Variants in CLVS1 observed in about 807,000 individuals in gnomAD.
CLVS1 encodes the protein clavesin 1, also known as clavesin-1.
CLVS1 carries 10 observed loss-of-function variants against 33.1 expected under a neutral mutation model. The ratio of observed to expected loss-of-function variants is 0.30; its 90% CI spans 0.19 to 0.51. The LOEUF (loss-of-function observed/expected upper bound fraction) is 0.51, where lower values mean the gene tolerates loss of function less well. Ranked by LOEUF, CLVS1 falls within the 20% of genes least tolerant of loss-of-function variation. CLVS1 has a pLI of 0.97. For missense variants in CLVS1, 343 were observed against 433.4 expected, an observed-to-expected ratio of 0.79 and a Z score of 1.85; for synonymous variants, 163 against 166.1, an observed-to-expected ratio of 0.98 and a Z score of 0.14.
intron 2 of CLVS1, among the ~76,000 whole-genome samples, chr8:61,371,261 CAT>C (rs766246818): frequency 1.1e-4 from 16 of 152,198 alleles, no homozygotes; most frequent in Non-Finnish European, 1.6e-4. Context: ...AGCATTTTTT[CAT>C]ATGTTTGTTG....
intron 1 of CLVS1, among the ~76,000 whole-genome samples, chr8:61,294,091 A>G (rs1810098143): frequency 6.6e-6 from 1 of 152,056 alleles, no homozygotes; most frequent in Non-Finnish European, 1.5e-5. Flanking sequence ...GGGCAGTTTT[A>G]CAACACCCCT....
intron 3 of CLVS1, among the ~76,000 whole-genome samples, chr8:61,429,149 C>A (rs1032020722): frequency 2.6e-5 from 4 of 151,996 alleles, no homozygotes; most frequent in African/African-American, 9.7e-5. Flanking sequence ...CAGCTGGGTG[C>A]GGTGGCTCAT....
intron 2 of CLVS1, among the ~76,000 whole-genome samples, chr8:61,344,673 G>A (rs551973579): frequency 6.6e-6 from 1 of 152,242 alleles, no homozygotes; most frequent in East Asian, 1.9e-4. Flanking sequence ...CAGAGGACCC[G>A]CATATAATGG....
intron 2 of CLVS1, among the ~76,000 whole-genome samples, chr8:61,153,937 G>A (rs1038920027): frequency 1.3e-5 from 2 of 152,168 alleles, no homozygotes; most frequent in Non-Finnish European, 2.9e-5. Context: ...AAAATAACTT[G>A]TCCTTTCCAA....
intron 2 of CLVS1, among the ~76,000 whole-genome samples, chr8:61,203,595 G>A (rs3739353): frequency 0.67 from 101,576 of 151,904 alleles, 35,438 homozygotes; most frequent in Middle Eastern, 0.84. Context: ...GTTGCTTGTA[G>A]GATAAGTTAC....
chr8:61,458,423 G>T lies in CLVS1; in HGVS notation c.858G>T (p.Thr286=). Residue 286 remains threonine (T), a synonymous_variant, in exon 5 of 6, where the codon ACG becomes ACT. Transcript: ENST00000325897. ...ATGACATGGGAACTTGGGCCCGGAC[G>T]TTACTCGGTCCCGACTACAGCGATG... The part of the protein sequence containing the change: ...PPYDMGTWAR[T]LLGPDYSDEN... 6.2e-7 allele frequency: 1 copy of T among 1,613,956 alleles called. No individual in the cohort carries two copies.
At chr8:61,152,519 G>A (rs944571459) in intron 2 of CLVS1, among the ~76,000 whole-genome samples, 19 of 152,206 alleles carry the variant, frequency 1.2e-4, no homozygotes, top group African/African-American at 4.1e-4. Context: ...CCAAGATGGC[G>A]CCTTATCACC....
At chr8:61,270,741 G>C (rs917462195) in intron 2 of CLVS1, among the ~76,000 whole-genome samples, 1 of 152,130 alleles carries the variant, frequency 6.6e-6, no homozygotes, top group Non-Finnish European at 1.5e-5. Flanking sequence ...GTTTACTCTT[G>C]GGAGAGTGTA....
At chr8:61,451,891 A>G (rs989537296) in intron 3 of CLVS1, among the ~76,000 whole-genome samples, 5 of 152,098 alleles carry the variant, frequency 3.3e-5, no homozygotes, top group African/African-American at 1.2e-4. Flanking sequence ...GACCCAGAAC[A>G]TCTGCACATT....
chr8:61,237,588 G>A (rs1010054432), intron 2 of CLVS1, among the ~76,000 whole-genome samples: 5 of 152,146 alleles, frequency 3.3e-5, no homozygotes, highest in African/African-American at 9.7e-5. Flanking sequence ...AGCATATTGC[G>A]GTCTAGAGAG....
At chr8:61,401,471 C>G (rs934723981) in intron 3 of CLVS1, among the ~76,000 whole-genome samples, 1 of 151,962 alleles carries the variant, frequency 6.6e-6, no homozygotes, top group Non-Finnish European at 1.5e-5. Context: ...CAGTTAATCA[C>G]CACCACCTTA....
chr8:61,355,382 T>A (rs1812649925), intron 2 of CLVS1, among the ~76,000 whole-genome samples: 1 of 151,826 alleles, frequency 6.6e-6, no homozygotes, highest in Non-Finnish European at 1.5e-5. Flanking sequence ...GCACACAGCG[T>A]GGTGGTTTGT....
At chr8:60,996,884 A>T in the CLVS1 span, among the ~76,000 whole-genome samples, 2 of 152,146 alleles carry the variant, frequency 1.3e-5, no homozygotes, top group African/African-American at 4.8e-5. Flanking sequence ...TGACAATTAT[A>T]ATGTTCAAGA....
At chr8:61,462,756 T>G (rs1045508675) in intron 5 of CLVS1, among the ~76,000 whole-genome samples, 2 of 152,144 alleles carry the variant, frequency 1.3e-5, no homozygotes, top group East Asian at 3.8e-4. Context: ...TCATTCAAGC[T>G]TCATTGTTCT....
At chr8:61,005,276 T>G in the CLVS1 span, among the ~76,000 whole-genome samples, 1 of 152,198 alleles carries the variant, frequency 6.6e-6, no homozygotes. Flanking sequence ...TAGAACAGCC[T>G]GAAGCCATTA....
At chr8:61,311,285 C>A (rs1378982715) in intron 2 of CLVS1, among the ~76,000 whole-genome samples, 1 of 152,184 alleles carries the variant, frequency 6.6e-6, no homozygotes, top group Non-Finnish European at 1.5e-5. Flanking sequence ...GTGTGTCAAC[C>A]AAATAGTTCT....
At chr8:61,307,912 C>T (rs1810688429) in intron 2 of CLVS1, among the ~76,000 whole-genome samples, 1 of 151,970 alleles carries the variant, frequency 6.6e-6, no homozygotes, top group Non-Finnish European at 1.5e-5. Context: ...TATTATTTAG[C>T]TCCCATTTAT....
At chr8:61,218,515 G>A (rs930344681) in intron 2 of CLVS1, among the ~76,000 whole-genome samples, 3 of 151,910 alleles carry the variant, frequency 2.0e-5, no homozygotes, top group Non-Finnish European at 2.9e-5. Flanking sequence ...TAGGAGGAAA[G>A]GAGAGGAATA....
intron 3 of CLVS1, among the ~76,000 whole-genome samples, chr8:61,449,260 G>A (rs1408146400): frequency 6.6e-6 from 1 of 152,164 alleles, no homozygotes; most frequent in Non-Finnish European, 1.5e-5. Context: ...AATGATTAAA[G>A]TCTTGACTGT....
Sources: allele counts gnomAD v4.1 joint callset (sites outside exome capture counted in the v4.1 genomes callset), GRCh38; gene constraint gnomAD v4.1.1; transcripts MANE v1.5; gene names NCBI Gene and HGNC (gene_info 2026-07-23, HGNC 2026-07-21).